B3GALNT2: variants seen among roughly 807,000 people sequenced by gnomAD.
The protein encoded by B3GALNT2 is beta-1,3-N-acetylgalactosaminyltransferase 2.
B3GALNT2 carries 53 observed loss-of-function variants against 61.1 expected under a neutral mutation model. The ratio of observed to expected loss-of-function variants is 0.87; its 90% CI spans 0.70 to 1.09. The LOEUF (loss-of-function observed/expected upper bound fraction) is 1.09, where lower values mean the gene tolerates loss of function less well. Among genes scored for constraint, B3GALNT2 ranks in the 50% least tolerant of loss-of-function variants. The probability of loss-of-function intolerance (pLI) is 0.00; values close to 1 mark genes in which losing one functional copy is unlikely to be tolerated. For synonymous variants in B3GALNT2, 223 were observed against 237.4 expected, an observed-to-expected ratio of 0.94 and a Z score of 0.56; for missense variants, 544 against 623.0, an observed-to-expected ratio of 0.87 and a Z score of 1.35.
At chr1:235,443,094 A>G (rs558610356), downstream of B3GALNT2, 62 of 644,436 alleles carry the variant, frequency 9.6e-5, no homozygotes, top group African/African-American at 9.4e-4. Flanking sequence ...CATGCCCCCA[A>G]AAGTTCAGGT....
chr1:235,486,450 T>G (rs999716516), intron 3 of B3GALNT2, among the ~76,000 whole-genome samples: 1 of 152,334 alleles, frequency 6.6e-6, no homozygotes, highest in South Asian at 2.1e-4. Context: ...CTAAAAGAAT[T>G]GTGCCTTGAG....
intron 4 of B3GALNT2, among the ~76,000 whole-genome samples, chr1:235,482,129 C>T (rs1309984231): frequency 6.6e-6 from 1 of 152,048 alleles, no homozygotes; most frequent in Non-Finnish European, 1.5e-5. Flanking sequence ...TAACTATGAA[C>T]TCTGGATGAA....
intron 4 of B3GALNT2, among the ~76,000 whole-genome samples, chr1:235,481,830 A>G (rs1684577285): frequency 6.6e-6 from 1 of 152,176 alleles, no homozygotes. Flanking sequence ...GAGTATACAA[A>G]GCTCTTCTCA....
chr1:235,451,176 A>T (rs1305708209), intron 11 of B3GALNT2: 1 of 152,136 alleles, frequency 6.6e-6, no homozygotes, highest in African/African-American at 2.4e-5. Flanking sequence ...CTGAGGGGCC[A>T]CAGCCTCAGG....
At chr1:235,496,913 G>T (rs781565690) in intron 1 of B3GALNT2, among the ~76,000 whole-genome samples, 20 of 152,004 alleles carry the variant, frequency 1.3e-4, no homozygotes, top group Non-Finnish European at 2.4e-4. Flanking sequence ...GAAATGGCTG[G>T]GCTAAGATTT....
chr1:235,468,435 A>C (rs930286187), intron 6 of B3GALNT2, among the ~76,000 whole-genome samples: 2 of 147,030 alleles, frequency 1.4e-5, no homozygotes, highest in East Asian at 3.9e-4. Flanking sequence ...CCTAGTTCTC[A>C]ACTCAGAAAC....
chr1:235,471,187 C>T (rs1268068224), intron 5 of B3GALNT2, among the ~76,000 whole-genome samples: 1 of 152,170 alleles, frequency 6.6e-6, no homozygotes, highest in Non-Finnish European at 1.5e-5. Context: ...CACAATTTTG[C>T]ATACTGCTGT....
At chr1:235,490,461 C>T (rs927575208) in intron 2 of B3GALNT2, among the ~76,000 whole-genome samples, 8 of 152,108 alleles carry the variant, frequency 5.3e-5, no homozygotes, top group East Asian at 1.9e-4. Context: ...GAACTCTTGG[C>T]GTCAAGTGAT....
rs116818562 is a variant in B3GALNT2, at chr1:235,494,874, C to G, written c.113-46G>C. On this transcript the variant is annotated intron_variant, in intron 1 of 11. Coordinates refer to ENST00000366600, the MANE Select transcript of B3GALNT2 (RefSeq NM_152490.5). ...TGAGAAATAAGTCATGTATCAATTA[C>G]TATGAAGTTCAATATGTATCATAAG... The G allele has an allele frequency of 2.5e-3, 3,678 of 1,478,148 alleles. 85 individuals carry two copies. In the African/African-American group the frequency reaches 0.043, roughly 17 times the overall value. 91.6% of individuals were successfully genotyped at this position (1,478,148 alleles called of 1,614,324 possible).
downstream of B3GALNT2, among the ~76,000 whole-genome samples, chr1:235,443,345 T>C (rs1287648489): frequency 6.6e-6 from 1 of 151,960 alleles, no homozygotes; most frequent in Non-Finnish European, 1.5e-5. Context: ...GGACTACACG[T>C]GCGAGCCACC....
chr1:235,497,863 CAT>C, intron 1 of B3GALNT2, among the ~76,000 whole-genome samples: 1 of 152,278 alleles, frequency 6.6e-6, no homozygotes, highest in African/African-American at 2.4e-5. Flanking sequence ...AACCATGTGA[CAT>C]GTGAAAATCC....
At position 235,455,476 on chromosome 1, in the gene B3GALNT2, C is replaced by CA. The variant is rs541342884; in HGVS notation, c.1151+82dup. 0.017 allele frequency: 20,640 copies of CA among 1,242,780 alleles called. 77 individuals are homozygous for CA. The highest frequency in any genetic ancestry group is 0.016 in the Non-Finnish European group (14,488 of 904,728). The allele number at this position is 1,242,780 out of a possible 1,614,324, so 77.0% of individuals were successfully genotyped here. On this transcript the variant is annotated intron_variant, in intron 9 of 11. Transcript: ENST00000366600. ...AAATTGTATATCTCAACCACATTTTCAAAAAAAAAAGATATTTTATGCTTT... is the reference window on the plus strand; with the variant it reads ...AAATTGTATATCTCAACCACATTTTCAAAAAAAAAAAGATATTTTATGCTTT...
chr1:235,442,853 A>G, downstream of B3GALNT2: 2 of 1,613,988 alleles, frequency 1.2e-6, no homozygotes, highest in Non-Finnish European at 1.7e-6. Flanking sequence ...CTCTTAAAGC[A>G]CTGAAGATAA....
In B3GALNT2 at chr1:235,447,513, C is replaced by CAGTT. The variant is rs1682449870; in HGVS notation, c.*2689_*2692dup. Among the ~76,000 whole-genome samples, 1 of 152,128 alleles carries CAGTT rather than the reference C, an allele frequency of 6.6e-6. No individual in the cohort carries two copies. The highest frequency in any genetic ancestry group is 2.4e-5 in the African/African-American group (1 of 41,438). On this transcript the variant is annotated 3_prime_UTR_variant, in exon 12 of 12. Transcript: ENST00000366600. ...GGCAGTCACTTGTGTATGTTTAATA[C>CAGTT]AGTTACACATGATGTAATTACAGAA...
Position 235,458,584 on chromosome 1 carries a change from C to T in B3GALNT2, c.1025+19G>A, listed in dbSNP as rs1299714948. ...AACAATAAAACAAGTTCTAGCTACC[C>T]AACATTTTTACAACCTACCATCTAT... On this transcript the variant is annotated intron_variant, in intron 8 of 11. Coordinates refer to ENST00000366600, the MANE Select transcript of B3GALNT2 (RefSeq NM_152490.5). The T allele has an allele frequency of 1.3e-6, 2 of 1,560,644 alleles. No individual in the cohort carries two copies. Among genetic ancestry groups the T allele is most frequent in the East Asian group, 2.3e-5 (1 of 43,624 alleles).
downstream of B3GALNT2, among the ~76,000 whole-genome samples, chr1:235,445,834 G>T (rs924602494): frequency 2.0e-5 from 3 of 152,170 alleles, no homozygotes; most frequent in African/African-American, 7.2e-5. Flanking sequence ...GGTAAAGATA[G>T]TAAGAATCTA....
At chr1:235,458,011 A>G (rs998301077) in intron 8 of B3GALNT2, among the ~76,000 whole-genome samples, 1 of 149,192 alleles carries the variant, frequency 6.7e-6, no homozygotes, top group Non-Finnish European at 1.5e-5. Flanking sequence ...GGTTCAAGTG[A>G]TTTTCATGCC....
intron 7 of B3GALNT2, among the ~76,000 whole-genome samples, chr1:235,461,772 C>T (rs1683448074): frequency 6.6e-6 from 1 of 152,130 alleles, no homozygotes; most frequent in African/African-American, 2.4e-5. Flanking sequence ...GCCTTGGCCT[C>T]CCAAAGTGCT....
intron 7 of B3GALNT2, chr1:235,463,341 A>C (rs1683519053): frequency 6.6e-6 from 1 of 152,128 alleles, no homozygotes; most frequent in Non-Finnish European, 1.5e-5. Context: ...TATTCATGTA[A>C]TCAAACACCA....
Sources: allele counts gnomAD v4.1 joint callset (sites outside exome capture counted in the v4.1 genomes callset), GRCh38; gene constraint gnomAD v4.1.1; transcripts MANE v1.5; gene names NCBI Gene and HGNC (gene_info 2026-07-23, HGNC 2026-07-21).